SLC5A10: variants seen among roughly 807,000 people sequenced by gnomAD.
SLC5A10 encodes the protein sodium/mannose cotransporter SLC5A10.
A neutral mutation model predicts 68.9 loss-of-function variants in SLC5A10; 55 were observed. The observed-to-expected ratio is 0.80, with a 90% CI of 0.64 to 1.00. SLC5A10 has a LOEUF of 1.00. SLC5A10 is among the 50% of genes least tolerant of loss of function. The probability of loss-of-function intolerance (pLI) is 0.00; values close to 1 mark genes in which losing one functional copy is unlikely to be tolerated. For missense variants in SLC5A10, 732 were observed against 819.3 expected (o/e 0.89, Z 1.30); for synonymous variants, 344 against 344.8 (o/e 1.00, Z 0.02).
In SLC5A10 at chr17:19,008,796, G is replaced by A. The variant is rs945098014; in HGVS notation, c.983-4614G>A. 1.2e-4 allele frequency among the ~76,000 whole-genome samples: 17 copies of A among 147,796 alleles called. 2 individuals carry two copies. Among genetic ancestry groups the A allele is most frequent in the Admixed American group, 8.0e-4 (12 of 15,074 alleles). ...TTACAGGCGTGAGCCACCGTGCCTG[G>A]CATTATTATTATTATTATTTTTTTT... On this transcript the variant is annotated intron_variant, in intron 9 of 14. Coordinates refer to ENST00000395645, the MANE Select transcript of SLC5A10 (RefSeq NM_001042450.4).
intron 8 of SLC5A10, among the ~76,000 whole-genome samples, chr17:18,974,843 G>C (rs751656741): frequency 8.5e-5 from 13 of 152,170 alleles, no homozygotes; most frequent in Non-Finnish European, 1.9e-4. Context: ...AGGGAAGAGC[G>C]CCTGGCTGGG....
rs774693004 is a variant in SLC5A10 at position 19,019,906 on chromosome 17, C to T, written c.1604C>T (p.Thr535Ile). 4.4e-6 allele frequency: 7 copies of T among 1,608,588 alleles called. No homozygotes were observed. The highest frequency in any genetic ancestry group is 1.7e-4 in the Middle Eastern group (1 of 6,056). ...GTTGTGGTGGCTGGAAGCCTGCTGA[C>T]CCCACCCCCACAGAGTGTCCAGGTG... ...GAVVVAGSLL[T>I]PPPQSVQIEN... Residue 535 changes from threonine (T) to isoleucine (I), a missense_variant, in exon 13 of 15, where the codon ACC (threonine) becomes ATC (isoleucine). Transcript: ENST00000395645.
chr17:18,953,130 T>TC (rs2042408404), intron 1 of SLC5A10, among the ~76,000 whole-genome samples: 1 of 74,954 alleles, frequency 1.3e-5, no homozygotes, highest in Non-Finnish European at 2.7e-5. Flanking sequence ...TACCCCTTCT[T>TC]TTTTTTTTTT....
chr17:18,975,716 A>C (rs1298105635), intron 8 of SLC5A10: 1 of 152,006 alleles, frequency 6.6e-6, no homozygotes, highest in South Asian at 2.1e-4. Context: ...AAAATCATAG[A>C]GGCTTCCTGC....
At position 19,003,802 on chromosome 17, in the gene SLC5A10, G is replaced by T. The variant is rs1163880560; in HGVS notation, c.983-9608G>T. 4.3e-6 allele frequency: 7 copies of T among 1,612,506 alleles called. No homozygotes were observed. In the African/African-American group the frequency reaches 9.3e-5, roughly 22 times the overall value. Reference sequence around the variant, plus strand: ...CCTGAGAGGGGCCCGTGCCCCGAGGGTCCTCAGAGCCCGGGTCGTACACCT... The same window carrying T: ...CCTGAGAGGGGCCCGTGCCCCGAGGTTCCTCAGAGCCCGGGTCGTACACCT... On this transcript the variant is annotated intron_variant, in intron 9 of 14. Transcript: ENST00000395645. The surrounding 1 kb of genome is among the most constrained non-coding windows in gnomAD (Gnocchi z 4.5).
Position 18,959,651 on chromosome 17 carries a change from C to T in SLC5A10, c.336C>T (p.Tyr112=). 1 of 1,614,034 alleles carries T rather than the reference C, an allele frequency of 6.2e-7. No homozygotes were observed. Among genetic ancestry groups the T allele is most frequent in the Middle Eastern group, 1.6e-4 (1 of 6,062 alleles). Residue 112 remains tyrosine, a synonymous_variant, in exon 4 of 15, where the codon TAC becomes TAT. Transcript: ENST00000395645. ...LALAWVFVPI[Y]ISSEIVTLPE... ...TGGCATGGGTGTTCGTGCCCATCTA[C>T]ATCTCCTCAGAGGTGAGTCTACTCA... is the stretch of plus-strand genomic sequence containing the variant.
rs752166223 is a variant in SLC5A10, at chr17:18,959,181, T to C, written c.230T>C (p.Ile77Thr). The C allele has an allele frequency of 3.7e-6, 6 of 1,613,914 alleles. No individual in the cohort carries two copies. The highest frequency in any genetic ancestry group is 2.2e-5 in the East Asian group (1 of 44,900). The part of the protein sequence containing the change: ...FASSEGSGLF[I>T]GLAGSGAAGG... Reference sequence around the variant, plus strand: ...AGCAGCGAGGGCTCTGGCCTCTTCATTGGACTGGCGGGCTCAGGCGCGGCA... The same window carrying C: ...AGCAGCGAGGGCTCTGGCCTCTTCACTGGACTGGCGGGCTCAGGCGCGGCA... Residue 77 changes from isoleucine to threonine, a missense_variant, in exon 3 of 15, where the codon ATT becomes ACT. Ile to Thr is a moderately conservative substitution (Grantham distance 89). Coordinates refer to ENST00000395645, the MANE Select transcript of SLC5A10 (RefSeq NM_001042450.4).
rs1037680659 is a variant in SLC5A10, at chr17:19,015,238, T to C, written c.1241+39T>C. On this transcript the variant is annotated intron_variant, in intron 11 of 14. Transcript: ENST00000395645. ...GGCCAGTACGGGGGTGGGGGAACAC[T>C]ACAAGGGTGGGCGCCCGCACTGACT... The C allele has an allele frequency of 7.9e-6, 6 of 763,578 alleles. No homozygotes were observed. In the Admixed American group the frequency reaches 1.1e-4, roughly 13 times the overall value. The allele number at this position is 763,578 out of a possible 1,614,324, so 47.3% of individuals were successfully genotyped here. A position where few individuals can be genotyped will look rare whatever the true frequency, so the allele number is the denominator to read the frequency against.
chr17:19,005,478 C>A (rs1403002594), intron 9 of SLC5A10, among the ~76,000 whole-genome samples: 2 of 152,170 alleles, frequency 1.3e-5, no homozygotes, highest in Non-Finnish European at 2.9e-5. Flanking sequence ...AAATCTGGCC[C>A]AACAAACAGC....
Position 18,996,618 on chromosome 17 carries a change from G to A in SLC5A10, c.983-16792G>A, listed in dbSNP as rs948183466. Reference sequence around the variant, plus strand: ...TACTTGGTAACAAATGCTGACCCCAGCCAGAGCAAGGATAATTAGGCCAAC... The same window carrying A: ...TACTTGGTAACAAATGCTGACCCCAACCAGAGCAAGGATAATTAGGCCAAC... On this transcript the variant is annotated intron_variant, in intron 9 of 14. Coordinates refer to ENST00000395645, the MANE Select transcript of SLC5A10 (RefSeq NM_001042450.4). This position sits in a 1 kb window ranked among gnomAD's most constrained non-coding sequence, Gnocchi z 4.4. Among the ~76,000 whole-genome samples the A allele has an allele frequency of 6.6e-6, 1 of 152,108 alleles. No individual in the cohort carries two copies. The highest frequency in any genetic ancestry group is 2.4e-5 in the African/African-American group (1 of 41,412).
chr17:18,951,897 G>A (rs1022505532), upstream of SLC5A10: 10 of 347,328 alleles, frequency 2.9e-5, no homozygotes, highest in African/African-American at 1.5e-4. Flanking sequence ...GGCTGCCTCC[G>A]GGTCCACTAA....
At chr17:18,963,503 G>A (rs1379749668) in intron 5 of SLC5A10, among the ~76,000 whole-genome samples, 4 of 152,272 alleles carry the variant, frequency 2.6e-5, no homozygotes, top group Non-Finnish European at 5.9e-5. Context: ...ATGAAGCAGA[G>A]GGCGAAGCTT....
chr17:18,965,882 G>T (rs1047239792), intron 5 of SLC5A10, among the ~76,000 whole-genome samples: 3 of 152,220 alleles, frequency 2.0e-5, no homozygotes, highest in Non-Finnish European at 4.4e-5. Flanking sequence ...CTCTTAGGAC[G>T]GTGGGACTTT....
Position 19,021,708 on chromosome 17 carries a change from T to G in SLC5A10, c.*1277T>G. ...CCTCCACAGACTCCGCCCTGTGGTG[T>G]CACACAGCTGGCAGCCAATGGAAAG... On this transcript the variant is annotated 3_prime_UTR_variant, in exon 15 of 15. Transcript: ENST00000395645. This position sits in a 1 kb window ranked among gnomAD's most constrained non-coding sequence, Gnocchi z 4.1. 1 of 404,710 alleles carries G rather than the reference T, an allele frequency of 2.5e-6. No homozygotes were observed. The highest frequency in any genetic ancestry group is 4.3e-6 in the Non-Finnish European group (1 of 230,182). The allele number at this position is 404,710 out of a possible 1,614,324, so 25.1% of individuals were successfully genotyped here.
chr17:18,977,114 T>C (rs1386997021), intron 9 of SLC5A10, 125 bp downstream of exon 9: 3 of 1,321,620 alleles, frequency 2.3e-6, no homozygotes, highest in Non-Finnish European at 3.1e-6. Context: ...ACCTGGGGAG[T>C]GGGGAGAGTG....
chr17:19,019,675 TC>T (rs1267814638), intron 12 of SLC5A10, 37 bp from the exon 13 acceptor site: 1 of 1,602,774 alleles, frequency 6.2e-7, no homozygotes, highest in South Asian at 1.1e-5. Flanking sequence ...TTGGTCCTCC[TC>T]CCGTAGCCCC....
At position 18,978,156 on chromosome 17, in the gene SLC5A10, C is replaced by A. The variant is rs142611543; in HGVS notation, c.982+1167C>A. ...ACAGGGACTGTCCGGGGCTTGGGCA[C>A]GGGGGGCAATGGCTCAGGGTCCCCC... On this transcript the variant is annotated intron_variant, in intron 9 of 14. Coordinates refer to ENST00000395645, the MANE Select transcript of SLC5A10 (RefSeq NM_001042450.4). 3.6e-4 allele frequency: 550 copies of A among 1,530,566 alleles called. 5 individuals carry two copies. In the African/African-American group the frequency reaches 6.2e-3, roughly 17 times the overall value. 94.8% of individuals were successfully genotyped at this position (1,530,566 alleles called of 1,614,324 possible). A position where few individuals can be genotyped will look rare whatever the true frequency, so the allele number is the denominator to read the frequency against.
intron 9 of SLC5A10, among the ~76,000 whole-genome samples, chr17:18,991,028 C>G (rs372804201): frequency 3.3e-5 from 5 of 152,098 alleles, no homozygotes; most frequent in South Asian, 2.1e-4. Flanking sequence ...TTATAAGGAG[C>G]CTTTACAGCT....
chr17:18,979,554 G>C (rs1333792087), intron 9 of SLC5A10: 1 of 1,613,206 alleles, frequency 6.2e-7, no homozygotes, highest in Middle Eastern at 1.7e-4. Flanking sequence ...GTCACCTGTA[G>C]GAGCCGCACA....
Sources: gnomAD v4.1 joint callset for allele counts (sites outside exome capture counted in the v4.1 genomes callset) on GRCh38, gnomAD v4.1.1 for gene constraint, Gnocchi (gnomAD v3.1) non-coding constraint, MANE v1.5 for transcripts, NCBI Gene and HGNC (gene_info 2026-07-23, HGNC 2026-07-21) for gene names.